Variants in ELP3 observed in about 807,000 individuals in gnomAD.
ELP3 encodes the protein elongator acetyltransferase complex subunit 3, also known as elongator complex protein 3.
Under a neutral mutation model 74.9 loss-of-function variants are expected in ELP3, and 56 were observed. That is an observed-to-expected ratio of 0.75 (90% CI 0.60 to 0.93). ELP3 has a LOEUF of 0.93. Among genes scored for constraint, ELP3 ranks in the 40% least tolerant of loss-of-function variants. ELP3 has a pLI of 0.00. For missense variants in ELP3, 573 were observed against 686.5 expected (o/e 0.83, Z 1.85); for synonymous variants, 222 against 239.8 (o/e 0.93, Z 0.68).
At chr8:28,110,148 A>G (rs752981872) in intron 5 of ELP3, among the ~76,000 whole-genome samples, 13 of 152,146 alleles carry the variant, frequency 8.5e-5, no homozygotes, top group Non-Finnish European at 1.6e-4. Flanking sequence ...ATCCAAGGAG[A>G]CACCCTGCTG....
At chr8:28,180,207 A>C (rs771578221) in intron 14 of ELP3, among the ~76,000 whole-genome samples, 10 of 152,074 alleles carry the variant, frequency 6.6e-5, no homozygotes, top group Non-Finnish European at 1.0e-4. Context: ...CCTCTAACAC[A>C]TGCATATTGA....
chr8:28,167,330 C>T (rs1814345490), intron 14 of ELP3, among the ~76,000 whole-genome samples: 1 of 152,144 alleles, frequency 6.6e-6, no homozygotes, highest in Non-Finnish European at 1.5e-5. Context: ...TTGCCAGAAC[C>T]ACTGATTAAT....
chr8:28,168,316 G>T (rs1233675486), intron 14 of ELP3, among the ~76,000 whole-genome samples: 1 of 152,186 alleles, frequency 6.6e-6, no homozygotes, highest in Non-Finnish European at 1.5e-5. Context: ...TGGCTGATTG[G>T]CATTTGAAGT....
intron 10 of ELP3, among the ~76,000 whole-genome samples, chr8:28,144,259 C>G (rs1813349298): frequency 6.6e-6 from 1 of 152,198 alleles, no homozygotes; most frequent in African/African-American, 2.4e-5. Flanking sequence ...ACACTTAGCA[C>G]ATAATAACAA....
At chr8:28,182,283 G>A (rs576816005) in intron 14 of ELP3, among the ~76,000 whole-genome samples, 49 of 152,248 alleles carry the variant, frequency 3.2e-4, no homozygotes, top group African/African-American at 7.7e-4. Context: ...GTTTGCGGCC[G>A]GGCACAGTGG....
intron 7 of ELP3, among the ~76,000 whole-genome samples, chr8:28,128,277 C>T (rs1211368655): frequency 6.6e-6 from 1 of 152,006 alleles, no homozygotes; most frequent in Non-Finnish European, 1.5e-5. Context: ...AGTTCGAGAC[C>T]AGCCTGGCCA....
At chr8:28,159,078 C>G (rs2130545971) in intron 12 of ELP3, among the ~76,000 whole-genome samples, 1 of 152,314 alleles carries the variant, frequency 6.6e-6, no homozygotes, top group Admixed American at 6.5e-5. Flanking sequence ...TGTAACTATT[C>G]AGCTGTTGGC....
chr8:28,116,764 CTG>C (rs763543460), intron 7 of ELP3, among the ~76,000 whole-genome samples: 4 of 152,018 alleles, frequency 2.6e-5, no homozygotes, highest in Non-Finnish European at 5.9e-5. Flanking sequence ...ACAAAAAAAA[CTG>C]ATCATTAATA....
In ELP3 at chr8:28,110,415, C is replaced by T. The variant is rs1046855986; in HGVS notation, c.439C>T (p.Gln147Ter). 2.0e-5 allele frequency: 32 copies of T among 1,613,784 alleles called. No individual in the cohort carries two copies. Among genetic ancestry groups the T allele is most frequent in the Non-Finnish European group, 2.7e-5 (32 of 1,179,880 alleles). Residue 147 changes from glutamine to a stop codon, truncating the protein, a stop_gained, in exon 6 of 15, where the codon CAG becomes TAG. Coordinates refer to ENST00000256398, the MANE Select transcript of ELP3 (RefSeq NM_018091.6). LOFTEE classifies it high-confidence loss of function. ...CCGTGCCAGATATGACCCTTTCCTA[C>T]AGACAAGACACCGAATAGAACAGGT... ...AIRARYDPFL[Q>*]TRHRIEQLKQ... is the part of the protein sequence containing the mutation.
At chr8:28,104,928 A>G (rs1341810325) in intron 3 of ELP3, among the ~76,000 whole-genome samples, 2 of 152,206 alleles carry the variant, frequency 1.3e-5, no homozygotes, top group Non-Finnish European at 2.9e-5. Flanking sequence ...GAAGGAATTA[A>G]TGGTTTCCTA....
chr8:28,161,567 A>C (rs1392922880), intron 13 of ELP3, among the ~76,000 whole-genome samples: 1 of 149,368 alleles, frequency 6.7e-6, no homozygotes. Context: ...GAGCCACTGC[A>C]CTCCATCCAG....
intron 1 of ELP3, 171 bp downstream of exon 1, chr8:28,093,404 G>A: frequency 1.1e-6 from 1 of 935,998 alleles, no homozygotes; most frequent in Non-Finnish European, 1.6e-6. Context: ...CGTTTTTCCT[G>A]TTTTGCTTTT....
intron 12 of ELP3, among the ~76,000 whole-genome samples, chr8:28,159,023 G>A (rs7818745): frequency 0.11 from 17,336 of 152,162 alleles, 1,133 homozygotes; most frequent in East Asian, 0.31. Flanking sequence ...GTGACTACGA[G>A]CTACATTTGG....
chr8:28,137,624 CA>C (rs889898120), intron 9 of ELP3, 73 bp from the exon 10 acceptor site: 1 of 1,468,470 alleles, frequency 6.8e-7, no homozygotes, highest in African/African-American at 1.4e-5. Flanking sequence ...GAGAAGCTGT[CA>C]GGGGTTGAGA....
upstream of ELP3, among the ~76,000 whole-genome samples, chr8:28,091,186 A>G (rs576891357): frequency 1.4e-4 from 22 of 152,118 alleles, no homozygotes; most frequent in Middle Eastern, 3.4e-3. Flanking sequence ...GATTACAGGC[A>G]TGAGCCACCG....
chr8:28,100,892 C>T (rs1250326715), intron 3 of ELP3, among the ~76,000 whole-genome samples: 1 of 152,126 alleles, frequency 6.6e-6, no homozygotes, highest in Admixed American at 6.5e-5. Flanking sequence ...CATATGGTCC[C>T]CAGCACCAAA....
At chr8:28,137,978 G>T in intron 10 of ELP3, 87 bp downstream of exon 10, 1 of 1,266,366 alleles carries the variant, frequency 7.9e-7, no homozygotes, top group Non-Finnish European at 1.1e-6. Context: ...CATATTGAGG[G>T]TTTTGGATTT....
chr8:28,175,661 G>C (rs894334304), intron 14 of ELP3, among the ~76,000 whole-genome samples: 2 of 152,028 alleles, frequency 1.3e-5, no homozygotes, highest in African/African-American at 4.8e-5. Context: ...CTGTGAATGA[G>C]CCATTCTTCC....
chr8:28,167,383 C>T (rs1028246543), intron 14 of ELP3, among the ~76,000 whole-genome samples: 1 of 152,210 alleles, frequency 6.6e-6, no homozygotes, highest in Non-Finnish European at 1.5e-5. Flanking sequence ...TTTGTTGAAG[C>T]ATTTAAACTA....
Sources: allele counts gnomAD v4.1 joint callset (sites outside exome capture counted in the v4.1 genomes callset), GRCh38; gene constraint gnomAD v4.1.1; transcripts MANE v1.5; gene names NCBI Gene and HGNC (gene_info 2026-07-23, HGNC 2026-07-21).